PAPPA2: variants seen among roughly 807,000 people sequenced by gnomAD.
The protein encoded by PAPPA2 is pappalysin 2.
A neutral mutation model predicts 176.4 loss-of-function variants in PAPPA2; 86 were observed. The observed-to-expected ratio is 0.49, with a 90% confidence interval of 0.41 to 0.58. The LOEUF is 0.58. Among genes scored for constraint, PAPPA2 ranks in the 20% least tolerant of loss-of-function variants. The pLI is 0.00. For missense variants in PAPPA2, 2,073 were observed against 2,256.9 expected (o/e 0.92, Z 1.65); for synonymous variants, 809 against 852.2 (o/e 0.95, Z 0.88).
At chr1:176,799,823 G>C (rs1194635634) in intron 20 of PAPPA2, among the ~76,000 whole-genome samples, 1 of 152,062 alleles carries the variant, frequency 6.6e-6, no homozygotes, top group Non-Finnish European at 1.5e-5. Context: ...TGGGAAAGAG[G>C]ATGAAAAGTT....
chr1:176,670,834 G>A (rs1658951620), intron 3 of PAPPA2, 136 bp from the exon 4 acceptor site: 3 of 1,010,790 alleles, frequency 3.0e-6, no homozygotes, highest in East Asian at 2.4e-5. Context: ...TTCATGACAG[G>A]CTGGTCTCTG....
chr1:176,601,410 G>C (rs565444174), intron 3 of PAPPA2, among the ~76,000 whole-genome samples: 1 of 152,146 alleles, frequency 6.6e-6, no homozygotes, highest in Non-Finnish European at 1.5e-5. Flanking sequence ...GCCCAAAGTA[G>C]TTCCTCTCCC....
Position 176,695,862 on chromosome 1 carries a change from A to G in PAPPA2, c.2746+3A>G. 1 of 1,613,730 alleles carries G rather than the reference A, an allele frequency of 6.2e-7. No individual in the cohort carries two copies. The highest frequency in any genetic ancestry group is 8.5e-7 in the Non-Finnish European group (1 of 1,179,960). ...TTGGACCCCAGAGGAGGCTGTGGGT[A>G]AAGTACCATGACATTTTTTCTTTAT... On this transcript the variant is annotated splice_donor_region_variant and intron_variant, in intron 7 of 22. Transcript: ENST00000367662.
At chr1:176,681,434 G>A (rs1278628424) in intron 4 of PAPPA2, among the ~76,000 whole-genome samples, 3 of 152,174 alleles carry the variant, frequency 2.0e-5, no homozygotes, top group Non-Finnish European at 4.4e-5. Context: ...ATCTTCAGAT[G>A]AGTCCAGATG....
intron 1 of PAPPA2, among the ~76,000 whole-genome samples, chr1:176,475,412 A>G (rs867952973): frequency 3.3e-5 from 5 of 152,364 alleles, no homozygotes; most frequent in African/African-American, 9.6e-5. Flanking sequence ...TTGGCCCAAC[A>G]TAAGTTGTTA....
At chr1:176,652,649 C>T (rs1027280884) in intron 3 of PAPPA2, among the ~76,000 whole-genome samples, 1 of 151,714 alleles carries the variant, frequency 6.6e-6, no homozygotes, top group African/African-American at 2.4e-5. Flanking sequence ...CACCTCTCTT[C>T]ATTGTCTCTG....
intron 1 of PAPPA2, among the ~76,000 whole-genome samples, chr1:176,539,629 T>C (rs183428345): frequency 8.5e-4 from 130 of 152,304 alleles, no homozygotes; most frequent in African/African-American, 3.0e-3. Context: ...TGATTTTTTT[T>C]TTCCTAACAA....
chr1:176,656,162 T>G (rs1170506786), intron 3 of PAPPA2, among the ~76,000 whole-genome samples: 1 of 151,910 alleles, frequency 6.6e-6, no homozygotes, highest in Non-Finnish European at 1.5e-5. Flanking sequence ...TATTGTCAAG[T>G]GCTTATTCAA....
At chr1:176,511,507 G>A (rs1648595553) in intron 1 of PAPPA2, among the ~76,000 whole-genome samples, 1 of 152,136 alleles carries the variant, frequency 6.6e-6, no homozygotes, top group Non-Finnish European at 1.5e-5. Flanking sequence ...GACACTCGTT[G>A]TCTTAACTGG....
At chr1:176,795,153 C>T (rs1665370394) in intron 20 of PAPPA2, among the ~76,000 whole-genome samples, 2 of 152,260 alleles carry the variant, frequency 1.3e-5, no homozygotes, top group African/African-American at 2.4e-5. Flanking sequence ...CTCCCTCAGA[C>T]TTTCACTAGA....
In PAPPA2 at chr1:176,634,798, A is replaced by G. The variant is rs946594485; in HGVS notation, c.1992-36172A>G. 9.3e-5 allele frequency among the ~76,000 whole-genome samples: 6 copies of G among 64,796 alleles called. No individual in the cohort carries two copies. The East Asian group carries it at 1.1e-3, about 12-fold the overall frequency. The allele number at this position is 64,796 out of a possible 152,430, so 42.5% of individuals were successfully genotyped here. The stretch of plus-strand genomic sequence containing the variant: ...AGGTGTAGTTAAAATTTCCAAGGAG[A>G]GAGATAGATAGATAGATAGATAGAT... On this transcript the variant is annotated intron_variant, in intron 3 of 22. Coordinates refer to ENST00000367662, the MANE Select transcript of PAPPA2 (RefSeq NM_020318.3).
chr1:176,692,174 A>T lies in PAPPA2; in HGVS notation c.2480A>T (p.His827Leu). Residue 827 changes from histidine to leucine, a missense_variant, in exon 6 of 23, where the codon CAT becomes CTT. His to Leu is a moderately conservative substitution (Grantham distance 99). Transcript: ENST00000367662. ...ACTCCTAACCAAGTGGCCCGAATGC[A>T]TTGCTATTTGGACCTAGTCTATCAG... ...NFTPNQVARM[H>L]CYLDLVYQQW... 6.2e-7 allele frequency: 1 copy of T among 1,614,100 alleles called. No individual in the cohort carries two copies. The highest frequency in any genetic ancestry group is 8.5e-7 in the Non-Finnish European group (1 of 1,179,980).
intron 1 of PAPPA2, among the ~76,000 whole-genome samples, chr1:176,535,421 A>G (rs1447156656): frequency 6.6e-6 from 1 of 152,176 alleles, no homozygotes; most frequent in Non-Finnish European, 1.5e-5. Context: ...TTTCTCTACT[A>G]CTTTTTTGAG....
chr1:176,778,206 A>G (rs1664549778), intron 17 of PAPPA2, among the ~76,000 whole-genome samples: 1 of 152,078 alleles, frequency 6.6e-6, no homozygotes, highest in Non-Finnish European at 1.5e-5. Flanking sequence ...AAAATGTACT[A>G]TTCTCCCCCA....
Position 176,664,716 on chromosome 1 carries a change from A to C in PAPPA2, c.1992-6254A>C, listed in dbSNP as rs116228674. ...TCTTTTATTTCAACCTCAAGTTCTT[A>C]CAACACAAATATTTCTAGAGAAAAT... On this transcript the variant is annotated intron_variant, in intron 3 of 22. Transcript: ENST00000367662. 8.2e-3 allele frequency among the ~76,000 whole-genome samples: 1,252 copies of C among 152,330 alleles called. 16 individuals are homozygous for C. The highest frequency in any genetic ancestry group is 0.026 in the African/African-American group (1,097 of 41,578).
chr1:176,762,165 G>A (rs1387445828), intron 14 of PAPPA2, among the ~76,000 whole-genome samples: 4 of 151,696 alleles, frequency 2.6e-5, no homozygotes, highest in African/African-American at 9.7e-5. Flanking sequence ...TAAAAAGGAA[G>A]CAAATGGAAA....
At chr1:176,662,989 T>C (rs1165896658) in intron 3 of PAPPA2, among the ~76,000 whole-genome samples, 1 of 152,224 alleles carries the variant, frequency 6.6e-6, no homozygotes, top group Non-Finnish European at 1.5e-5. Context: ...TTGTTGTTTC[T>C]TGAAATTTTT....
intron 1 of PAPPA2, among the ~76,000 whole-genome samples, chr1:176,506,131 G>A (rs1156276917): frequency 6.6e-6 from 1 of 152,034 alleles, no homozygotes; most frequent in East Asian, 1.9e-4. Context: ...GTTTTTGTCA[G>A]CCTTGTCAAA....
intron 14 of PAPPA2, among the ~76,000 whole-genome samples, chr1:176,761,170 C>A (rs1275528027): frequency 6.6e-6 from 1 of 152,052 alleles, no homozygotes; most frequent in Non-Finnish European, 1.5e-5. Flanking sequence ...AAGTGAAGAC[C>A]AGCAGAAAGA....
Sources: gnomAD v4.1 joint callset for allele counts (sites outside exome capture counted in the v4.1 genomes callset) on GRCh38, gnomAD v4.1.1 for gene constraint, MANE v1.5 for transcripts, NCBI Gene and HGNC (gene_info 2026-07-23, HGNC 2026-07-21) for gene names.